ADAMTS18: variants seen among roughly 807,000 people sequenced by gnomAD.
ADAMTS18 encodes the protein ADAM metallopeptidase with thrombospondin type 1 motif 18.
ADAMTS18 carries 157 observed loss-of-function variants against 165.9 expected under a neutral mutation model. The observed-to-expected ratio is 0.95, with a 90% CI of 0.83 to 1.08. The LOEUF is 1.08. Among genes scored for constraint, ADAMTS18 ranks in the 50% least tolerant of loss-of-function variants. The pLI, the probability that ADAMTS18 is intolerant of heterozygous loss-of-function variation, is 0.00. For synonymous variants in ADAMTS18, 782 were observed against 578.2 expected (o/e 1.35, Z -5.06); for missense variants, 2,040 against 1,534.0 (o/e 1.33, Z -5.51).
chr16:77,322,238 C>G, intron 14 of ADAMTS18, 98 bp downstream of exon 14: 1 of 1,445,860 alleles, frequency 6.9e-7, no homozygotes, highest in Non-Finnish European at 9.6e-7. Context: ...ACCTGCTCTT[C>G]TCCAGACACA....
chr16:77,313,636 T>C (rs2055826809), intron 16 of ADAMTS18, among the ~76,000 whole-genome samples: 1 of 152,148 alleles, frequency 6.6e-6, no homozygotes, highest in Non-Finnish European at 1.5e-5. Flanking sequence ...AGGAGTGATT[T>C]GCACTTTGCT....
intron 3 of ADAMTS18, among the ~76,000 whole-genome samples, chr16:77,429,453 G>C (rs1430239163): frequency 6.6e-6 from 1 of 152,170 alleles, no homozygotes; most frequent in African/African-American, 2.4e-5. Flanking sequence ...GGTCGGAGAA[G>C]ATAGAGGAAC....
intron 3 of ADAMTS18, among the ~76,000 whole-genome samples, chr16:77,392,714 G>C (rs2057205376): frequency 6.6e-6 from 1 of 152,064 alleles, no homozygotes; most frequent in South Asian, 2.1e-4. Context: ...CGTAAATATT[G>C]GTTGAATAAA....
Position 77,325,917 on chromosome 16 carries a change from T to G in ADAMTS18, c.1981A>C (p.Lys661Gln), listed in dbSNP as rs781706343. ...RAQQCAEYNS[K>Q]PFRGWFYQWK... is the part of the protein sequence containing the mutation. ...TGGTAGAACCATCCACGGAAAGGTT[T>G]GCTGTTATATTCTGCACACTGTTGA... is the stretch of plus-strand genomic sequence containing the variant. Residue 661 changes from lysine (K) to glutamine (Q), a missense_variant, in exon 13 of 23, where the codon AAA becomes CAA. Physicochemically the swap from Lys to Gln is moderately conservative, Grantham distance 53 (BLOSUM62 1). Coordinates refer to ENST00000282849, the MANE Select transcript of ADAMTS18 (RefSeq NM_199355.4). 1.2e-6 allele frequency: 2 copies of G among 1,614,016 alleles called. No individual in the cohort carries two copies. Among genetic ancestry groups the G allele is most frequent in the South Asian group, 2.2e-5 (2 of 91,076 alleles).
rs1254229563 is a variant in ADAMTS18 at position 77,397,113 on chromosome 16, T to A, written c.496-29390A>T. Among the ~76,000 whole-genome samples, 5 of 152,048 alleles carry A rather than the reference T, an allele frequency of 3.3e-5. No homozygotes were observed. The South Asian group carries it at 1.0e-3, about 32-fold the overall frequency. On this transcript the variant is annotated intron_variant, in intron 3 of 22. Coordinates refer to ENST00000282849, the MANE Select transcript of ADAMTS18 (RefSeq NM_199355.4). ...CGTGAGCCACCACGGCCGGCCTGGA[T>A]TGCTTTCTAGGAGACCCATACTGTC...
intron 3 of ADAMTS18, among the ~76,000 whole-genome samples, chr16:77,422,138 T>C (rs895642484): frequency 6.6e-6 from 1 of 152,054 alleles, no homozygotes; most frequent in African/African-American, 2.4e-5. Flanking sequence ...TTCTGTGCAT[T>C]AATTCACAGA....
chr16:77,305,889 A>G (rs2055673047), intron 16 of ADAMTS18, among the ~76,000 whole-genome samples: 1 of 152,162 alleles, frequency 6.6e-6, no homozygotes, highest in Non-Finnish European at 1.5e-5. Context: ...TGTAACTTGA[A>G]AATGATCATT....
At chr16:77,295,480 G>A (rs1490727091) in intron 18 of ADAMTS18, among the ~76,000 whole-genome samples, 1 of 152,190 alleles carries the variant, frequency 6.6e-6, no homozygotes, top group African/African-American at 2.4e-5. Flanking sequence ...TAAGGCAGCA[G>A]CCTTCTTTCC....
chr16:77,331,953 A>G (rs1246087697), intron 12 of ADAMTS18, among the ~76,000 whole-genome samples: 1 of 152,190 alleles, frequency 6.6e-6, no homozygotes, highest in East Asian at 1.9e-4. Context: ...ATCTTTTTTA[A>G]AATGTCCTTT....
At chr16:77,374,838 G>C (rs1257569231) in intron 3 of ADAMTS18, among the ~76,000 whole-genome samples, 2 of 152,108 alleles carry the variant, frequency 1.3e-5, no homozygotes. Flanking sequence ...TATTCAGAGT[G>C]ACAAGGACAA....
At chr16:77,363,636 T>A (rs2056748286) in intron 6 of ADAMTS18, among the ~76,000 whole-genome samples, 166 bp downstream of exon 6, 1 of 152,048 alleles carries the variant, frequency 6.6e-6, no homozygotes, top group Admixed American at 6.6e-5. Context: ...TTAGTTTAAT[T>A]GTGTGATTAC....
At chr16:77,344,680 C>T (rs1158264152) in intron 10 of ADAMTS18, among the ~76,000 whole-genome samples, 1 of 151,496 alleles carries the variant, frequency 6.6e-6, no homozygotes, top group Non-Finnish European at 1.5e-5. Context: ...CTGTCGTAGC[C>T]AATGCCAAGC....
intron 11 of ADAMTS18, among the ~76,000 whole-genome samples, chr16:77,338,750 G>A (rs912620733): frequency 2.6e-5 from 4 of 151,866 alleles, no homozygotes; most frequent in African/African-American, 7.2e-5. Context: ...TCAGGAGACC[G>A]AGAGCATCCT....
At chr16:77,378,016 G>C (rs1044547251) in intron 3 of ADAMTS18, among the ~76,000 whole-genome samples, 3 of 152,142 alleles carry the variant, frequency 2.0e-5, no homozygotes, top group Non-Finnish European at 2.9e-5. Context: ...ATTGGTAAAA[G>C]GATGTTTAGG....
intron 10 of ADAMTS18, among the ~76,000 whole-genome samples, chr16:77,352,517 A>T (rs1170732403): frequency 6.6e-6 from 1 of 152,150 alleles, no homozygotes; most frequent in Non-Finnish European, 1.5e-5. Flanking sequence ...TTCTTCCTTG[A>T]AGGGTTTTTG....
intron 3 of ADAMTS18, among the ~76,000 whole-genome samples, chr16:77,378,560 C>G (rs8047650): frequency 0.25 from 37,099 of 151,278 alleles, 5,148 homozygotes; most frequent in East Asian, 0.57. Flanking sequence ...ACTGAAAATA[C>G]AAAAATTACC....
At chr16:77,432,449 G>C (rs902599743) in intron 2 of ADAMTS18, 2 of 152,162 alleles carry the variant, frequency 1.3e-5, no homozygotes, top group African/African-American at 4.8e-5. Flanking sequence ...ACTAATTGCT[G>C]AATGTTCCAA....
intron 9 of ADAMTS18, among the ~76,000 whole-genome samples, chr16:77,354,507 T>C (rs554665463): frequency 6.6e-6 from 1 of 152,244 alleles, no homozygotes; most frequent in South Asian, 2.1e-4. Context: ...CCTGATGGCA[T>C]GGATATTCTT....
At chr16:77,413,656 T>C (rs187854558) in intron 3 of ADAMTS18, among the ~76,000 whole-genome samples, 2 of 152,264 alleles carry the variant, frequency 1.3e-5, no homozygotes, top group Admixed American at 1.3e-4. Context: ...AAACTATAAT[T>C]GCTTTGCTTT....
Sources: gnomAD v4.1 joint callset for allele counts (sites outside exome capture counted in the v4.1 genomes callset) on GRCh38, gnomAD v4.1.1 for gene constraint, MANE v1.5 for transcripts, NCBI Gene and HGNC (gene_info 2026-07-23, HGNC 2026-07-21) for gene names.